KIAA0319: variants seen among roughly 807,000 people sequenced by gnomAD.
KIAA0319 encodes the protein dyslexia-associated protein KIAA0319.
In KIAA0319, 83 loss-of-function variants were observed where a neutral mutation model predicts 108.4. The ratio of observed to expected loss-of-function variants is 0.77; its 90% confidence interval spans 0.64 to 0.92. KIAA0319 has a LOEUF of 0.92. Among genes scored for constraint, KIAA0319 ranks in the 40% least tolerant of loss-of-function variants. KIAA0319 has a pLI of 0.00. For missense variants in KIAA0319, 1,195 were observed against 1,322.4 expected, an observed-to-expected ratio of 0.90 and a Z score of 1.49; for synonymous variants, 484 against 510.4, an observed-to-expected ratio of 0.95 and a Z score of 0.70.
intron 9 of KIAA0319, among the ~76,000 whole-genome samples, chr6:24,577,781 A>G (rs1765754767): frequency 6.6e-6 from 1 of 152,212 alleles, no homozygotes. Context: ...CTGAGTCAGG[A>G]CACTTTTTGG....
At chr6:24,586,402 T>A (rs11967638) in intron 4 of KIAA0319, among the ~76,000 whole-genome samples, 1 of 152,222 alleles carries the variant, frequency 6.6e-6, no homozygotes, top group Non-Finnish European at 1.5e-5. Flanking sequence ...GGGGAATTTA[T>A]ATCTATAAAG....
rs1760538313 is a variant in KIAA0319, at chr6:24,545,652, G to A, written c.*1513C>T. 6.6e-6 allele frequency: 1 copy of A among 152,124 alleles called. No individual in the cohort carries two copies. The highest frequency in any genetic ancestry group is 2.4e-5 in the African/African-American group (1 of 41,410). 9.4% of individuals were successfully genotyped at this position (152,124 alleles called of 1,614,324 possible). On this transcript the variant is annotated 3_prime_UTR_variant, in exon 21 of 21. Transcript: ENST00000378214. Reference sequence around the variant, plus strand: ...ATAAAATGACACACTTTTTAGTTCTGCCTTTCCCCAGTAAATTACAATAAG... The same window carrying A: ...ATAAAATGACACACTTTTTAGTTCTACCTTTCCCCAGTAAATTACAATAAG...
At chr6:24,607,657 T>C (rs1023990388) in intron 1 of KIAA0319, among the ~76,000 whole-genome samples, 1 of 152,212 alleles carries the variant, frequency 6.6e-6, no homozygotes, top group Non-Finnish European at 1.5e-5. Context: ...TTTAGGTTTA[T>C]GTATATTTTC....
At chr6:24,567,422 C>G (rs1365581621) in intron 13 of KIAA0319, among the ~76,000 whole-genome samples, 2 of 152,080 alleles carry the variant, frequency 1.3e-5, no homozygotes, top group African/African-American at 4.8e-5. Context: ...GAGGCAATGG[C>G]CAGGCATGGT....
chr6:24,623,645 A>C (rs898877273), intron 1 of KIAA0319, among the ~76,000 whole-genome samples: 5 of 152,210 alleles, frequency 3.3e-5, no homozygotes, highest in African/African-American at 1.2e-4. Flanking sequence ...CAAAATTCTA[A>C]GGGGGATGAA....
chr6:24,549,388 G>A (rs1193598123), intron 20 of KIAA0319, among the ~76,000 whole-genome samples: 2 of 151,246 alleles, frequency 1.3e-5, no homozygotes, highest in African/African-American at 2.4e-5. Context: ...ATGTGAGGAT[G>A]CAGTGAGGAG....
At chr6:24,540,647 T>TTTC (rs146117203), downstream of KIAA0319, among the ~76,000 whole-genome samples, 51,263 of 105,778 alleles carry the variant, frequency 0.48, 10,501 homozygotes, top group Non-Finnish European at 0.59. Context: ...GGTGACTTTG[T>TTTC]TTCTTTTTTT....
chr6:24,598,768 C>T (rs556255243), intron 2 of KIAA0319: 4 of 247,548 alleles, frequency 1.6e-5, no homozygotes, highest in East Asian at 2.1e-4. Context: ...TCCAGCTACT[C>T]GGGAGGCTGA....
At chr6:24,613,097 A>G (rs1475767117) in intron 1 of KIAA0319, among the ~76,000 whole-genome samples, 1 of 152,136 alleles carries the variant, frequency 6.6e-6, no homozygotes, top group Non-Finnish European at 1.5e-5. Flanking sequence ...TATTTTGTGA[A>G]TTATGTGAAT....
rs371990484 is a variant in KIAA0319 at position 24,572,017 on chromosome 6, G to A, written c.1858+558C>T. Among the ~76,000 whole-genome samples, 213 of 152,244 alleles carry A rather than the reference G, an allele frequency of 1.4e-3. 5 individuals are homozygous for A. In the South Asian group the frequency reaches 0.033, roughly 23 times the overall value. ...CTAATAGAACTTTTTATGTATTAGCGGCATAAATAAATAAGTTGTCTATAG... is the reference window on the plus strand; with the variant it reads ...CTAATAGAACTTTTTATGTATTAGCAGCATAAATAAATAAGTTGTCTATAG... On this transcript the variant is annotated intron_variant, in intron 11 of 20. Coordinates refer to ENST00000378214, the MANE Select transcript of KIAA0319 (RefSeq NM_014809.4).
intron 1 of KIAA0319, among the ~76,000 whole-genome samples, chr6:24,640,178 T>C (rs1396849734): frequency 6.6e-6 from 1 of 152,138 alleles, no homozygotes; most frequent in Non-Finnish European, 1.5e-5. Context: ...AAAGTAAATA[T>C]GCATGTTAAA....
rs1777532414 is a variant in KIAA0319 at position 24,645,779 on chromosome 6, C to G, written c.-149G>C. ...ACACTGAAGCTCGCCCCATGCGTTG[C>G]TGCTGGCCCTGAGCATCACTCGCCG... On this transcript the variant is annotated 5_prime_UTR_variant, in exon 1 of 21. Coordinates refer to ENST00000378214, the MANE Select transcript of KIAA0319 (RefSeq NM_014809.4). The G allele has an allele frequency of 6.6e-6, 1 of 151,716 alleles. No homozygotes were observed. Among genetic ancestry groups the G allele is most frequent in the Admixed American group, 6.6e-5 (1 of 15,180 alleles). 9.4% of individuals were successfully genotyped at this position (151,716 alleles called of 1,614,324 possible). A position where few individuals can be genotyped will look rare whatever the true frequency, so the allele number is the denominator to read the frequency against.
chr6:24,542,470 C>G (rs1204259289), downstream of KIAA0319, among the ~76,000 whole-genome samples: 1 of 152,198 alleles, frequency 6.6e-6, no homozygotes, highest in Non-Finnish European at 1.5e-5. Flanking sequence ...TAGCTCACAT[C>G]AGTAATCCCA....
At chr6:24,583,337 C>T (rs1766920241) in intron 5 of KIAA0319, 7 of 704,442 alleles carry the variant, frequency 9.9e-6, no homozygotes, top group Non-Finnish European at 9.5e-6. Context: ...CTCTCCTGAT[C>T]TGCTTTGCAT....
chr6:24,564,465 C>T (rs1763617836), intron 14 of KIAA0319, 125 bp from the exon 15 acceptor site: 7 of 1,227,318 alleles, frequency 5.7e-6, no homozygotes, highest in Non-Finnish European at 8.0e-6. Context: ...AGGGAGGCTG[C>T]AGGGAATGAG....
intron 20 of KIAA0319, among the ~76,000 whole-genome samples, chr6:24,547,712 A>G (rs1396253504): frequency 6.6e-6 from 1 of 152,254 alleles, no homozygotes; most frequent in Non-Finnish European, 1.5e-5. Flanking sequence ...AGCCTTTAGT[A>G]CATTGTAAGC....
intron 3 of KIAA0319, among the ~76,000 whole-genome samples, chr6:24,594,122 C>G (rs1386441510): frequency 2.3e-5 from 3 of 132,868 alleles, no homozygotes; most frequent in African/African-American, 8.6e-5. Flanking sequence ...TCACTTGAAC[C>G]TGGGCAGCGG....
At chr6:24,618,817 A>G (rs1463197920) in intron 1 of KIAA0319, among the ~76,000 whole-genome samples, 2 of 152,168 alleles carry the variant, frequency 1.3e-5, no homozygotes, top group African/African-American at 4.8e-5. Context: ...AAAAAAAAAG[A>G]TCCTGGCAGA....
chr6:24,578,316 G>A, intron 8 of KIAA0319, 74 bp from the exon 9 acceptor site: 2 of 1,085,126 alleles, frequency 1.8e-6, no homozygotes, highest in Non-Finnish European at 2.6e-6. Flanking sequence ...TTTAATTATT[G>A]CATATTTAAA....
Sources: allele counts gnomAD v4.1 joint callset (sites outside exome capture counted in the v4.1 genomes callset), GRCh38; gene constraint gnomAD v4.1.1; transcripts MANE v1.5; gene names NCBI Gene and HGNC (gene_info 2026-07-23, HGNC 2026-07-21).